The following MGAT4C variants were observed in gnomAD, a reference collection of about 807,000 sequenced individuals.
MGAT4C encodes MGAT4 family member C, also known as alpha-1,3-mannosyl-glycoprotein 4-beta-N-acetylglucosaminyltransferase C.
In MGAT4C, 19 loss-of-function variants were observed where a neutral mutation model predicts 40.1. The observed-to-expected ratio is 0.47, with a 90% CI of 0.33 to 0.70. MGAT4C has a LOEUF of 0.70. Ranked by LOEUF, MGAT4C falls within the 30% of genes least tolerant of loss-of-function variation. The pLI is 0.02. For synonymous variants in MGAT4C, 181 were observed against 187.1 expected, an observed-to-expected ratio of 0.97 and a Z score of 0.27; for missense variants, 491 against 563.2, an observed-to-expected ratio of 0.87 and a Z score of 1.30.
chr12:86,483,743 C>CTTGG (rs1957972331), intron 2 of MGAT4C, among the ~76,000 whole-genome samples: 1 of 149,428 alleles, frequency 6.7e-6, no homozygotes, highest in Admixed American at 6.7e-5. Context: ...CTGTAAGTCT[C>CTTGG]CTACTTGGCT....
intron 2 of MGAT4C, among the ~76,000 whole-genome samples, chr12:86,455,194 T>A (rs1372652625): frequency 6.6e-6 from 1 of 152,156 alleles, no homozygotes; most frequent in Non-Finnish European, 1.5e-5. Context: ...TTCTGTTCTA[T>A]TCCAGTATCA....
chr12:86,673,138 G>A (rs952439058), intron 2 of MGAT4C, among the ~76,000 whole-genome samples: 1 of 152,054 alleles, frequency 6.6e-6, no homozygotes, highest in Non-Finnish European at 1.5e-5. Context: ...ACATTTTCAA[G>A]GTACTATTGA....
At chr12:86,180,435 T>A (rs1887985396) in intron 1 of MGAT4C, among the ~76,000 whole-genome samples, 1 of 151,640 alleles carries the variant, frequency 6.6e-6, no homozygotes. Flanking sequence ...GACCCTAGAG[T>A]GGTAGATACA....
At chr12:86,774,407 C>G (rs11104079) in intron 1 of MGAT4C, among the ~76,000 whole-genome samples, 1 of 147,656 alleles carries the variant, frequency 6.8e-6, no homozygotes, top group African/African-American at 2.5e-5. Flanking sequence ...CTCTCTCTCT[C>G]TCTCTCTCTC....
At chr12:86,005,415 A>T (rs1407268501) in intron 2 of MGAT4C, among the ~76,000 whole-genome samples, 1 of 152,338 alleles carries the variant, frequency 6.6e-6, no homozygotes, top group East Asian at 1.9e-4. Context: ...TAAGGTTTTG[A>T]CTGCAATGTC....
At chr12:86,070,345 A>C (rs894574407) in intron 1 of MGAT4C, among the ~76,000 whole-genome samples, 1 of 152,022 alleles carries the variant, frequency 6.6e-6, no homozygotes, top group African/African-American at 2.4e-5. Context: ...TTTGATTGCC[A>C]AGTTTATAAA....
chr12:86,237,722 G>C (rs1472005519), intron 1 of MGAT4C, among the ~76,000 whole-genome samples: 2 of 151,790 alleles, frequency 1.3e-5, no homozygotes, highest in Non-Finnish European at 2.9e-5. Flanking sequence ...AAAGTTTTCT[G>C]AAAATGTGAA....
intron 2 of MGAT4C, among the ~76,000 whole-genome samples, chr12:86,024,909 T>TA (rs1304671018): frequency 1.3e-5 from 2 of 149,064 alleles, no homozygotes; most frequent in Non-Finnish European, 3.0e-5. Context: ...CCCGAACTAG[T>TA]TTTTTTTTTC....
At chr12:86,726,566 C>T (rs929454033) in intron 2 of MGAT4C, among the ~76,000 whole-genome samples, 20 of 152,144 alleles carry the variant, frequency 1.3e-4, no homozygotes, top group Admixed American at 2.0e-4. Context: ...TTTTGCCATA[C>T]GTTCTAGTAA....
chr12:86,718,857 C>T (rs1049607698), intron 2 of MGAT4C, among the ~76,000 whole-genome samples: 1 of 152,138 alleles, frequency 6.6e-6, no homozygotes, highest in East Asian at 1.9e-4. Context: ...CATCCCACCC[C>T]CTCCATGGAA....
intron 2 of MGAT4C, among the ~76,000 whole-genome samples, chr12:86,515,158 T>C (rs1037144487): frequency 2.6e-5 from 4 of 152,180 alleles, no homozygotes; most frequent in African/African-American, 9.7e-5. Context: ...ATAAAGGCTG[T>C]CTACAAACAT....
chr12:86,177,582 G>T (rs919713419), intron 1 of MGAT4C, among the ~76,000 whole-genome samples: 40 of 151,982 alleles, frequency 2.6e-4, no homozygotes, highest in Admixed American at 1.9e-3. Flanking sequence ...ATCATAAAAT[G>T]AGTGATTTAT....
intron 2 of MGAT4C, among the ~76,000 whole-genome samples, chr12:86,652,054 G>T (rs1963712054): frequency 6.6e-6 from 1 of 151,772 alleles, no homozygotes; most frequent in African/African-American, 2.4e-5. Context: ...TTTTTAGATG[G>T]TCATAACTTC....
At chr12:86,732,535 T>C (rs1950927097) in intron 1 of MGAT4C, among the ~76,000 whole-genome samples, 1 of 152,142 alleles carries the variant, frequency 6.6e-6, no homozygotes, top group Non-Finnish European at 1.5e-5. Flanking sequence ...AGGCATTAGA[T>C]TCTCATAAGG....
chr12:86,727,198 A>C (rs961131562), intron 2 of MGAT4C: 3 of 152,170 alleles, frequency 2.0e-5, no homozygotes, highest in African/African-American at 2.4e-5. Context: ...AAAATAGTAT[A>C]TAGTACTTAC....
At chr12:86,126,628 T>G (rs1439302391) in intron 1 of MGAT4C, among the ~76,000 whole-genome samples, 1 of 152,198 alleles carries the variant, frequency 6.6e-6, no homozygotes, top group Non-Finnish European at 1.5e-5. Flanking sequence ...ATCACTATCT[T>G]AAATAATTCA....
chr12:86,663,027 G>C (rs1392206179), intron 2 of MGAT4C, among the ~76,000 whole-genome samples: 6 of 152,018 alleles, frequency 3.9e-5, no homozygotes, highest in Non-Finnish European at 8.8e-5. Flanking sequence ...TTCTTATTCA[G>C]TAGCTAGTTT....
intron 3 of MGAT4C, among the ~76,000 whole-genome samples, chr12:86,428,574 T>C (rs1457625423): frequency 6.6e-6 from 1 of 152,210 alleles, no homozygotes. Flanking sequence ...AAATTTTTGA[T>C]AGAATTCAGC....
At chr12:86,389,806 T>G (rs1458097578) in intron 3 of MGAT4C, among the ~76,000 whole-genome samples, 1 of 152,218 alleles carries the variant, frequency 6.6e-6, no homozygotes, top group African/African-American at 2.4e-5. Flanking sequence ...TATTTCAAAA[T>G]TATTCTATGT....
Sources: allele counts gnomAD v4.1 joint callset (sites outside exome capture counted in the v4.1 genomes callset), GRCh38; gene constraint gnomAD v4.1.1; transcripts MANE v1.5; gene names NCBI Gene and HGNC (gene_info 2026-07-23, HGNC 2026-07-21).